MGLL: variants seen among roughly 807,000 people sequenced by gnomAD.
MGLL encodes monoglyceride lipase.
A neutral mutation model predicts 29.1 loss-of-function variants in MGLL; 7 were observed. The observed-to-expected ratio is 0.24, with a 90% CI of 0.14 to 0.45. The LOEUF is 0.45. MGLL is among the 20% of genes least tolerant of loss of function. The pLI is 0.99. For synonymous variants in MGLL, 148 were observed against 168.3 expected (o/e 0.88, Z 0.93); for missense variants, 356 against 413.6 (o/e 0.86, Z 1.21).
chr3:127,745,060 G>A (rs1007838041), intron 3 of MGLL, among the ~76,000 whole-genome samples: 3 of 152,180 alleles, frequency 2.0e-5, no homozygotes, highest in Non-Finnish European at 2.9e-5. Flanking sequence ...CATCAGATCC[G>A]GGTACAGACC....
At chr3:127,705,078 G>A (rs997079129) in intron 6 of MGLL, among the ~76,000 whole-genome samples, 1 of 152,210 alleles carries the variant, frequency 6.6e-6, no homozygotes, top group Non-Finnish European at 1.5e-5. Context: ...GCAGGGACGT[G>A]GGTGAAGCTG....
chr3:127,697,100 A>C (rs1156316380), intron 6 of MGLL, among the ~76,000 whole-genome samples: 1 of 152,224 alleles, frequency 6.6e-6, no homozygotes, highest in Non-Finnish European at 1.5e-5. Context: ...AGCTGGCATG[A>C]GTCCTGCTGG....
chr3:127,821,725 A>C lies in MGLL; in HGVS notation c.124T>G (p.Cys42Gly), dbSNP rs757049697. The C allele has an allele frequency of 2.6e-5, 42 of 1,613,966 alleles. No individual in the cohort carries two copies. The highest frequency in any genetic ancestry group is 3.3e-5 in the Non-Finnish European group (39 of 1,179,994). ...GTGCCTGTGGGTTTCCAGTACCTGC[A>C]GAAGAGGTACTGTCCGTCTGCATTG... ...LVNADGQYLF[C>G]RYWKPTGTPK... Residue 42 changes from cysteine (C) to glycine (G), a missense_variant, in exon 2 of 8, where the codon TGC (cysteine) becomes GGC (glycine). Coordinates refer to ENST00000265052, the MANE Select transcript of MGLL (RefSeq NM_007283.7).
At position 127,706,034 on chromosome 3, in the gene MGLL, G is replaced by A. The variant is rs543778250; in HGVS notation, c.600+4542C>T. Among the ~76,000 whole-genome samples, 5 of 152,264 alleles carry A rather than the reference G, an allele frequency of 3.3e-5. No homozygotes were observed. In the South Asian group the frequency reaches 1.0e-3, roughly 32 times the overall value. Reference sequence around the variant, plus strand: ...GGCACAGCCACCGTGGAAAATGGCAGCATGGTTCCTCCAAAATTACCAGCA... The same window carrying A: ...GGCACAGCCACCGTGGAAAATGGCAACATGGTTCCTCCAAAATTACCAGCA... On this transcript the variant is annotated intron_variant, in intron 6 of 7. Transcript: ENST00000265052.
chr3:127,756,165 G>C (rs996186480), intron 3 of MGLL, among the ~76,000 whole-genome samples: 11 of 152,222 alleles, frequency 7.2e-5, no homozygotes, highest in Non-Finnish European at 1.2e-4. Context: ...TGCTCTAAGG[G>C]TTGGGGAGCA....
chr3:127,705,742 C>T, intron 6 of MGLL, among the ~76,000 whole-genome samples: 1 of 149,190 alleles, frequency 6.7e-6, no homozygotes, highest in Non-Finnish European at 1.5e-5. Flanking sequence ...CGCCACTGCA[C>T]TCCAGCCTGG....
At chr3:127,701,103 T>C (rs189551949) in intron 6 of MGLL, among the ~76,000 whole-genome samples, 15 of 149,576 alleles carry the variant, frequency 1.0e-4, no homozygotes, top group Admixed American at 9.4e-4. Context: ...TAGTCCCAGC[T>C]ACTGCGGGGG....
intron 3 of MGLL, among the ~76,000 whole-genome samples, chr3:127,749,883 A>G (rs78067139): frequency 0.023 from 3,431 of 152,292 alleles, 142 homozygotes; most frequent in African/African-American, 0.077. Flanking sequence ...AGAGCAAGCC[A>G]TTCAGACATC....
At chr3:127,698,222 G>C (rs2075410029) in intron 6 of MGLL, among the ~76,000 whole-genome samples, 1 of 152,172 alleles carries the variant, frequency 6.6e-6, no homozygotes. Flanking sequence ...GAGGGGCAGA[G>C]GGAAACTGGG....
rs191293781 is a variant in MGLL, at chr3:127,773,813, T to A, written c.262+7976A>T. ...TCACCTCTCTGCCAAATCTTGTTGC[T>A]TTTATCTCTGTGTCTCTCCACTCTG... On this transcript the variant is annotated intron_variant, in intron 3 of 7. Coordinates refer to ENST00000265052, the MANE Select transcript of MGLL (RefSeq NM_007283.7). Among the ~76,000 whole-genome samples, 215 of 152,334 alleles carry A rather than the reference T, an allele frequency of 1.4e-3. 1 individual carries two copies. Among genetic ancestry groups the A allele is most frequent in the Non-Finnish European group, 2.2e-3 (151 of 68,030 alleles).
At position 127,710,217 on chromosome 3, in the gene MGLL, C is replaced by T. The variant is rs992241551; in HGVS notation, c.600+359G>A. 5.9e-5 allele frequency among the ~76,000 whole-genome samples: 9 copies of T among 152,192 alleles called. No individual in the cohort carries two copies. The South Asian group carries it at 1.4e-3, about 24-fold the overall frequency. On this transcript the variant is annotated intron_variant, in intron 6 of 7. Coordinates refer to ENST00000265052, the MANE Select transcript of MGLL (RefSeq NM_007283.7). ...GACCGATGGAGAATAAGACTTTCAACGCCCTGGATCCAGCCATGTCTGAAG... is the reference window on the plus strand; with the variant it reads ...GACCGATGGAGAATAAGACTTTCAATGCCCTGGATCCAGCCATGTCTGAAG...
chr3:127,796,985 G>C (rs143263808), intron 2 of MGLL, among the ~76,000 whole-genome samples: 1 of 152,208 alleles, frequency 6.6e-6, no homozygotes, highest in African/African-American at 2.4e-5. Context: ...TACCCAGCCT[G>C]CTAAGCTGAG....
intron 2 of MGLL, among the ~76,000 whole-genome samples, chr3:127,796,289 A>G (rs556354075): frequency 2.6e-5 from 4 of 152,274 alleles, no homozygotes; most frequent in Middle Eastern, 3.4e-3. Flanking sequence ...ACAGCCACAT[A>G]TTATCTTCCT....
At chr3:127,736,266 C>T (rs1232514885) in intron 3 of MGLL, 2 of 986,598 alleles carry the variant, frequency 2.0e-6, no homozygotes, top group East Asian at 2.2e-4. Context: ...GTTCATTACT[C>T]TAGGATGTGA....
At chr3:127,804,585 C>T (rs1437382485) in intron 2 of MGLL, among the ~76,000 whole-genome samples, 4 of 152,194 alleles carry the variant, frequency 2.6e-5, no homozygotes, top group Admixed American at 1.3e-4. Context: ...TGCACATCAA[C>T]GTTAATTGTC....
At position 127,691,895 on chromosome 3, in the gene MGLL, G is replaced by A. The variant is rs1416035038; in HGVS notation, c.*303C>T. 5.3e-6 allele frequency: 2 copies of A among 380,690 alleles called. No homozygotes were observed. Among genetic ancestry groups the A allele is most frequent in the Non-Finnish European group, 9.7e-6 (2 of 205,394 alleles). 23.6% of individuals were successfully genotyped at this position (380,690 alleles called of 1,614,324 possible). A position where few individuals can be genotyped will look rare whatever the true frequency, so the allele number is the denominator to read the frequency against. On this transcript the variant is annotated 3_prime_UTR_variant, in exon 8 of 8. Coordinates refer to ENST00000265052, the MANE Select transcript of MGLL (RefSeq NM_007283.7). Reference sequence around the variant, plus strand: ...ATTCCTGGAACCCTTGTGGGAGCTGGGAGAGGCAGGGCAGAGGCTTGGCTT... The same window carrying A: ...ATTCCTGGAACCCTTGTGGGAGCTGAGAGAGGCAGGGCAGAGGCTTGGCTT...
At chr3:127,810,483 A>G (rs73862359) in intron 2 of MGLL, among the ~76,000 whole-genome samples, 4,356 of 152,214 alleles carry the variant, frequency 0.029, 192 homozygotes, top group African/African-American at 0.099. Context: ...TTCGGCCCAG[A>G]ATGTCCCTTT....
intron 2 of MGLL, 80 bp downstream of exon 2, chr3:127,821,614 A>G (rs1209697812): frequency 6.5e-7 from 1 of 1,549,854 alleles, no homozygotes; most frequent in Admixed American, 1.7e-5. Flanking sequence ...CCCGCCCCAG[A>G]TGGCACATGA....
intron 2 of MGLL, among the ~76,000 whole-genome samples, chr3:127,784,460 C>T (rs17203666): frequency 0.14 from 21,561 of 152,132 alleles, 1,932 homozygotes; most frequent in East Asian, 0.26. Context: ...CTTAGAGCAA[C>T]CTTAGGGCCA....
Sources: allele counts gnomAD v4.1 joint callset (sites outside exome capture counted in the v4.1 genomes callset), GRCh38; gene constraint gnomAD v4.1.1; transcripts MANE v1.5; gene names NCBI Gene and HGNC (gene_info 2026-07-23, HGNC 2026-07-21).